MINAR1: variants seen among roughly 807,000 people sequenced by gnomAD.
MINAR1 encodes the protein membrane integral NOTCH2 associated receptor 1.
In MINAR1, 40 loss-of-function variants were observed where a neutral mutation model predicts 65.1. The ratio of observed to expected loss-of-function variants is 0.61; its 90% CI spans 0.48 to 0.80. The LOEUF (loss-of-function observed/expected upper bound fraction) is 0.80, where lower values mean the gene tolerates loss of function less well. Among genes scored for constraint, MINAR1 ranks in the 30% least tolerant of loss-of-function variants. MINAR1 has a pLI of 0.00. For missense variants in MINAR1, 1,128 were observed against 1,148.0 expected (o/e 0.98, Z 0.25); for synonymous variants, 482 against 449.1 (o/e 1.07, Z -0.93).
chr15:79,464,496 C>G (rs1163136806), intron 3 of MINAR1, among the ~76,000 whole-genome samples: 2 of 152,160 alleles, frequency 1.3e-5, no homozygotes, highest in Non-Finnish European at 2.9e-5. Context: ...GATAATTTGC[C>G]CCAGGTCAGA....
chr15:79,468,399 CT>C lies in MINAR1; in HGVS notation c.*17del, dbSNP rs1567064220. On this transcript the variant is annotated 3_prime_UTR_variant, in exon 4 of 4. Coordinates refer to ENST00000305428, the MANE Select transcript of MINAR1 (RefSeq NM_015206.3). ...TGAAATCATGAGCTAAGAATGCAAC[CT>C]TACGTACAGCTTATGACTACCAATG... 6.2e-7 allele frequency: 1 copy of C among 1,610,672 alleles called. No homozygotes were observed. The highest frequency in any genetic ancestry group is 8.5e-7 in the Non-Finnish European group (1 of 1,177,666).
In MINAR1 at chr15:79,470,264, A is replaced by ACCCCAAAGAGACTACTAGGTTACCAC. The variant is rs1896032131; in HGVS notation, c.*1881_*1906dup. On this transcript the variant is annotated 3_prime_UTR_variant, in exon 4 of 4. Coordinates refer to ENST00000305428, the MANE Select transcript of MINAR1 (RefSeq NM_015206.3). ...CATATTACATAAGGTTGTTTCTTTC[A>ACCCCAAAGAGACTACTAGGTTACCAC]CCCCAAAGAGACTACTAGGTTACCA... 2 of 152,478 alleles carry ACCCCAAAGAGACTACTAGGTTACCAC rather than the reference A, an allele frequency of 1.3e-5. No homozygotes were observed. The highest frequency in any genetic ancestry group is 2.9e-5 in the Non-Finnish European group (2 of 68,018). 9.4% of individuals were successfully genotyped at this position (152,478 alleles called of 1,614,324 possible).
chr15:79,451,852 G>T (rs1020913825), intron 1 of MINAR1, among the ~76,000 whole-genome samples: 1 of 152,178 alleles, frequency 6.6e-6, no homozygotes, highest in African/African-American at 2.4e-5. Flanking sequence ...CTTCCCAAAC[G>T]CCAGAGAGGG....
In MINAR1 at chr15:79,468,667, T is replaced by C; in HGVS notation, c.*283T>C. ...ACTATCAATAAATACAAATTGAATA[T>C]TCCAAGCCAAAAAAGGAAGATTAAT... On this transcript the variant is annotated 3_prime_UTR_variant, in exon 4 of 4. Coordinates refer to ENST00000305428, the MANE Select transcript of MINAR1 (RefSeq NM_015206.3). 1 of 388,048 alleles carries C rather than the reference T, an allele frequency of 2.6e-6. No homozygotes were observed. The highest frequency in any genetic ancestry group is 4.7e-5 in the East Asian group (1 of 21,080). The allele number at this position is 388,048 out of a possible 1,614,324, so 24.0% of individuals were successfully genotyped here. A position where few individuals can be genotyped will look rare whatever the true frequency, so the allele number is the denominator to read the frequency against.
At chr15:79,465,500 G>A (rs1416228557) in intron 3 of MINAR1, among the ~76,000 whole-genome samples, 18 of 151,860 alleles carry the variant, frequency 1.2e-4, no homozygotes, top group Admixed American at 1.1e-3. Context: ...TTTTCTACTT[G>A]GTGCGATTAC....
Position 79,457,649 on chromosome 15 carries a change from G to A in MINAR1, c.1502G>A (p.Arg501Lys), listed in dbSNP as rs765443010. The A allele has an allele frequency of 5.0e-6, 8 of 1,614,038 alleles. No individual in the cohort carries two copies. The Admixed American group carries it at 5.0e-5, about 10-fold the overall frequency. The change falls in exon 2 of 4, where the codon AGG becomes AAG. Residue 501 changes from arginine (R) to lysine (K), a missense_variant. Physicochemically the swap from Arg to Lys is conservative, Grantham distance 26 (BLOSUM62 2). Transcript: ENST00000305428. Reference protein sequence around the residue: ...CTSGQGKYSDRHTMKHSDDDS... With the variant: ...CTSGQGKYSDKHTMKHSDDDS... ...TCTGGTCAGGGCAAGTACAGTGACAGGCACACCATGAAGCACTCAGACGAT... is the reference window on the plus strand; with the variant it reads ...TCTGGTCAGGGCAAGTACAGTGACAAGCACACCATGAAGCACTCAGACGAT...
At chr15:79,463,004 T>C (rs1895701476) in intron 2 of MINAR1, 63 bp from the exon 3 acceptor site, 16 of 1,556,720 alleles carry the variant, frequency 1.0e-5, no homozygotes, top group Non-Finnish European at 1.4e-5. Flanking sequence ...GGCTGCTCAA[T>C]TGCACTGTGA....
intron 1 of MINAR1, among the ~76,000 whole-genome samples, chr15:79,454,043 C>G (rs1360920119): frequency 2.0e-5 from 3 of 152,210 alleles, no homozygotes; most frequent in Non-Finnish European, 4.4e-5. Context: ...CTGATATCTA[C>G]ACCCATTCAT....
At position 79,457,986 on chromosome 15, in the gene MINAR1, G is replaced by A. The variant is rs1895499435; in HGVS notation, c.1839G>A (p.Leu613=). ...AAATTGAACGGAAGCTGGAATCCCT[G>A]TCGGGTGTCCGTGATGAAATCTCCC... The part of the protein sequence containing the change: ...IGEIERKLES[L]SGVRDEISQV... The change falls in exon 2 of 4, where the codon CTG becomes CTA. Residue 613 remains leucine, a synonymous_variant. Coordinates refer to ENST00000305428, the MANE Select transcript of MINAR1 (RefSeq NM_015206.3). 2 of 1,613,994 alleles carry A rather than the reference G, an allele frequency of 1.2e-6. No individual in the cohort carries two copies. The highest frequency in any genetic ancestry group is 2.2e-5 in the South Asian group (2 of 91,066).
chr15:79,411,488 G>T, the MINAR1 span: 3 of 702,410 alleles, frequency 4.3e-6, no homozygotes, highest in South Asian at 3.0e-5. Flanking sequence ...GGACTGGGAC[G>T]ACTGGCACCC....
At chr15:79,467,727 A>T (rs920974100) in intron 3 of MINAR1, among the ~76,000 whole-genome samples, 2 of 152,198 alleles carry the variant, frequency 1.3e-5, no homozygotes, top group African/African-American at 4.8e-5. Context: ...TTTCAGTAGA[A>T]GCTTTTCTGA....
In MINAR1 at chr15:79,463,231, C is replaced by G; in HGVS notation, c.2463C>G (p.Ala821=). The part of the protein sequence containing the change: ...LYTDMRLTEL[A]EVKRGQPSWT... ...CAGACATGCGGCTGACCGAGTTGGC[C>G]GAGGTGAAGCGGGGCCAACCTTCTT... is the stretch of plus-strand genomic sequence containing the variant. The change falls in exon 3 of 4, where the codon GCC becomes GCG. Residue 821 remains alanine (A), a synonymous_variant. Coordinates refer to ENST00000305428, the MANE Select transcript of MINAR1 (RefSeq NM_015206.3). 1 of 1,614,176 alleles carries G rather than the reference C, an allele frequency of 6.2e-7. No individual in the cohort carries two copies. Among genetic ancestry groups the G allele is most frequent in the Non-Finnish European group, 8.5e-7 (1 of 1,180,030 alleles).
Position 79,463,057 on chromosome 15 carries a change from C to T in MINAR1, c.2299-10C>T, listed in dbSNP as rs1307327220. On this transcript the variant is annotated splice_polypyrimidine_tract_variant and intron_variant, in intron 2 of 3. Transcript: ENST00000305428. Reference sequence around the variant, plus strand: ...GCCACTTGTCTGGACTTCTTTGTGCCCCTCTGCAGGCAGACAGGCAGTACG... The same window carrying T: ...GCCACTTGTCTGGACTTCTTTGTGCTCCTCTGCAGGCAGACAGGCAGTACG... 3 of 1,604,638 alleles carry T rather than the reference C, an allele frequency of 1.9e-6. No individual in the cohort carries two copies. Among genetic ancestry groups the T allele is most frequent in the Non-Finnish European group, 2.6e-6 (3 of 1,173,008 alleles).
the MINAR1 span, chr15:79,426,711 A>G: frequency 0.34 from 51,742 of 152,068 alleles, 9,028 homozygotes; most frequent in South Asian, 0.45. Context: ...AGAGGCCCCT[A>G]GTCTCCAGCC....
intron 1 of MINAR1, among the ~76,000 whole-genome samples, chr15:79,442,327 T>C (rs1317094456): frequency 6.6e-6 from 1 of 152,162 alleles, no homozygotes; most frequent in Non-Finnish European, 1.5e-5. Flanking sequence ...AACACATTTA[T>C]GTTTATTGAA....
chr15:79,450,031 G>C (rs1184554532), intron 1 of MINAR1, among the ~76,000 whole-genome samples: 2 of 152,128 alleles, frequency 1.3e-5, no homozygotes, highest in Non-Finnish European at 2.9e-5. Context: ...CGGGTTCCCA[G>C]CTCCATGTTT....
the MINAR1 span, chr15:79,421,238 T>C: frequency 2.0e-5 from 3 of 152,364 alleles, no homozygotes; most frequent in Non-Finnish European, 4.4e-5. Context: ...TATGAAAGTT[T>C]CTGAATACTT....
chr15:79,433,958 A>G (rs548099461), intron 1 of MINAR1, among the ~76,000 whole-genome samples: 3 of 152,308 alleles, frequency 2.0e-5, no homozygotes, highest in South Asian at 2.1e-4. Flanking sequence ...CCTCTTGTGT[A>G]TCAGAGGAGG....
At chr15:79,460,553 T>C (rs1437288626) in intron 2 of MINAR1, among the ~76,000 whole-genome samples, 1 of 151,396 alleles carries the variant, frequency 6.6e-6, no homozygotes, top group African/African-American at 2.4e-5. Context: ...TTCTTTTCCA[T>C]TTACACCTCT....
Sources: allele counts gnomAD v4.1 joint callset (sites outside exome capture counted in the v4.1 genomes callset), GRCh38; gene constraint gnomAD v4.1.1; transcripts MANE v1.5; gene names NCBI Gene and HGNC (gene_info 2026-07-23, HGNC 2026-07-21).